CDC40: variants seen among roughly 807,000 people sequenced by gnomAD.
CDC40 encodes pre-mRNA-processing factor 17.
Under a neutral mutation model 80.6 loss-of-function variants are expected in CDC40, and 27 were observed. That is an observed-to-expected ratio of 0.33 (90% confidence interval 0.25 to 0.46). The LOEUF is 0.46. Among genes scored for constraint, CDC40 ranks in the 20% least tolerant of loss-of-function variants. CDC40 has a pLI of 1.00. For missense variants in CDC40, 486 were observed against 694.1 expected (o/e 0.70, Z 3.37); for synonymous variants, 221 against 232.6 (o/e 0.95, Z 0.45).
chr6:110,226,895 T>C (rs1164174139), intron 13 of CDC40, among the ~76,000 whole-genome samples: 1 of 152,040 alleles, frequency 6.6e-6, no homozygotes, highest in African/African-American at 2.4e-5. Flanking sequence ...TGGTGCACAT[T>C]TGTAGCCCTA....
Position 110,212,145 on chromosome 6 carries a change from A to G in CDC40, c.740A>G (p.Tyr247Cys), listed in dbSNP as rs1474439696. Residue 247 changes from tyrosine (Y) to cysteine (C), a missense_variant, in exon 7 of 15, where the codon TAT (tyrosine) becomes TGT (cysteine). Coordinates refer to ENST00000307731, the MANE Select transcript of CDC40 (RefSeq NM_015891.3). ...EKTILHVKEM[Y>C]DYQGRSYLHI... ...CTTTTTGTTTCAGTTAAAGAAATGT[A>G]TGACTATCAAGGCAGGTCCTATCTT... 3 of 1,612,922 alleles carry G rather than the reference A, an allele frequency of 1.9e-6. No individual in the cohort carries two copies. Among genetic ancestry groups the G allele is most frequent in the Admixed American group, 1.7e-5 (1 of 59,954 alleles).
chr6:110,185,246 T>C (rs1043137190), intron 1 of CDC40, among the ~76,000 whole-genome samples: 14 of 142,614 alleles, frequency 9.8e-5, no homozygotes, highest in East Asian at 2.0e-4. Flanking sequence ...TTTTTCTTTT[T>C]TTTTTTTTTT....
At chr6:110,204,076 G>A (rs1046087825) in intron 3 of CDC40, among the ~76,000 whole-genome samples, 9 of 152,112 alleles carry the variant, frequency 5.9e-5, no homozygotes, top group Admixed American at 3.3e-4. Flanking sequence ...GCAGTGGCGC[G>A]ATCTCAGCTC....
chr6:110,186,114 C>T (rs1446999320), intron 1 of CDC40, among the ~76,000 whole-genome samples: 1 of 152,236 alleles, frequency 6.6e-6, no homozygotes, highest in Non-Finnish European at 1.5e-5. Context: ...TATACACACA[C>T]ATCCTCCACA....
chr6:110,230,151 A>G lies in CDC40; in HGVS notation c.*20A>G, dbSNP rs1394225113. 4.0e-6 allele frequency: 6 copies of G among 1,496,544 alleles called. No homozygotes were observed. The highest frequency in any genetic ancestry group is 5.6e-6 in the Non-Finnish European group (6 of 1,080,240). 92.7% of individuals were successfully genotyped at this position (1,496,544 alleles called of 1,614,324 possible). A position where few individuals can be genotyped will look rare whatever the true frequency, so the allele number is the denominator to read the frequency against. On this transcript the variant is annotated 3_prime_UTR_variant, in exon 15 of 15. Coordinates refer to ENST00000307731, the MANE Select transcript of CDC40 (RefSeq NM_015891.3). ...GATTAATGAGATTAATCCTTAAACTAGCTGGGATCATTTTTGATCCATTGT... is the reference window on the plus strand; with the variant it reads ...GATTAATGAGATTAATCCTTAAACTGGCTGGGATCATTTTTGATCCATTGT...
chr6:110,228,944 T>C lies in CDC40; in HGVS notation c.1530T>C (p.Tyr510=). Residue 510 remains tyrosine (Y), a synonymous_variant, in exon 14 of 15, where the codon TAT becomes TAC. Transcript: ENST00000307731. The part of the protein sequence containing the change: ...KIFKGHMVAG[Y]ACQVDFSPDM... ...TTAAGGGCCATATGGTAGCAGGCTA[T>C]GCTTGTCAGGTGGACTTTTCACCAG... is the stretch of plus-strand genomic sequence containing the variant. 1 of 1,607,410 alleles carries C rather than the reference T, an allele frequency of 6.2e-7. No homozygotes were observed. Among genetic ancestry groups the C allele is most frequent in the Non-Finnish European group, 8.5e-7 (1 of 1,177,974 alleles).
At chr6:110,204,659 C>CTTTTTTT (rs55895216) in intron 3 of CDC40, among the ~76,000 whole-genome samples, 7 of 119,276 alleles carry the variant, frequency 5.9e-5, no homozygotes, top group East Asian at 2.3e-4. Flanking sequence ...TCCTATTTCT[C>CTTTTTTT]TTTTTTTTTT....
chr6:110,183,678 G>A (rs531750188), intron 1 of CDC40, among the ~76,000 whole-genome samples: 1 of 152,350 alleles, frequency 6.6e-6, no homozygotes, highest in Admixed American at 6.5e-5. Context: ...CAAGGGAGAT[G>A]TGAAGCATGC....
chr6:110,182,290 C>T (rs1777208732), intron 1 of CDC40, among the ~76,000 whole-genome samples: 1 of 152,204 alleles, frequency 6.6e-6, no homozygotes, highest in Non-Finnish European at 1.5e-5. Context: ...GCTTGCTATC[C>T]TTTTATTTCC....
intron 11 of CDC40, 29 bp downstream of exon 11, chr6:110,219,508 C>T: frequency 7.8e-7 from 1 of 1,279,022 alleles, no homozygotes; most frequent in Non-Finnish European, 1.1e-6. Context: ...TTTGTTAAGA[C>T]TCCTAAGCTT....
chr6:110,226,128 A>C (rs1286866959), intron 12 of CDC40, 39 bp from the exon 13 acceptor site: 1 of 1,111,838 alleles, frequency 9.0e-7, no homozygotes, highest in African/African-American at 1.5e-5. Context: ...GGTACTTTTT[A>C]AAAGTTGCTT....
At chr6:110,201,717 T>C in intron 3 of CDC40, 30 bp downstream of exon 3, 1 of 1,603,314 alleles carries the variant, frequency 6.2e-7, no homozygotes. Flanking sequence ...GCAGTTTCAA[T>C]TTTGGCTTTA....
chr6:110,219,921 A>G (rs765387881), intron 12 of CDC40, 52 bp downstream of exon 12: 2 of 1,571,250 alleles, frequency 1.3e-6, no homozygotes, highest in Admixed American at 3.7e-5. Flanking sequence ...GCAGTTAAAA[A>G]TTATATAGAC....
chr6:110,215,193 T>C, intron 8 of CDC40, 93 bp from the exon 9 acceptor site: 1 of 915,550 alleles, frequency 1.1e-6, no homozygotes, highest in Non-Finnish European at 1.8e-6. Context: ...CACACAGATG[T>C]GCACACACAT....
In CDC40 at chr6:110,193,221, A is replaced by G. The variant is rs935478990; in HGVS notation, c.229A>G (p.Lys77Glu). The G allele has an allele frequency of 3.7e-6, 6 of 1,610,626 alleles. No individual in the cohort carries two copies. Among genetic ancestry groups the G allele is most frequent in the Non-Finnish European group, 5.1e-6 (6 of 1,176,946 alleles). ...ETGVHLDPAVKEVQYNPTYET... is the reference protein window; with the variant it reads ...ETGVHLDPAVEEVQYNPTYET... Reference sequence around the variant, plus strand: ...TGGAGTTCACCTTGACCCTGCCGTCAAAGAAGTTCAGTATAATCCTACCTA... The same window carrying G: ...TGGAGTTCACCTTGACCCTGCCGTCGAAGAAGTTCAGTATAATCCTACCTA... Residue 77 changes from lysine to glutamate, a missense_variant, in exon 2 of 15, where the codon AAA (lysine) becomes GAA (glutamate). Lys to Glu is a moderately conservative substitution (Grantham distance 56). Around this residue, in one of 3 missense-constraint regions of CDC40, gnomAD observed 381 missense variants for 492.1 expected, o/e 0.77. Transcript: ENST00000307731.
intron 9 of CDC40, among the ~76,000 whole-genome samples, chr6:110,216,762 T>A (rs1777704552): frequency 6.6e-6 from 1 of 152,196 alleles, no homozygotes; most frequent in African/African-American, 2.4e-5. Context: ...ATAGGAACAT[T>A]TTTGCTTTTG....
intron 8 of CDC40, 82 bp downstream of exon 8, chr6:110,213,242 GGTTT>G: frequency 1.1e-6 from 1 of 920,532 alleles, no homozygotes; most frequent in Non-Finnish European, 1.8e-6. Flanking sequence ...AATAAATTTG[GGTTT>G]GTTAGGCAAT....
At chr6:110,195,355 C>G (rs1048789105) in intron 2 of CDC40, among the ~76,000 whole-genome samples, 1 of 151,978 alleles carries the variant, frequency 6.6e-6, no homozygotes, top group Non-Finnish European at 1.5e-5. Flanking sequence ...CAGACTATTT[C>G]TTATTATGCC....
intron 2 of CDC40, among the ~76,000 whole-genome samples, chr6:110,199,637 G>T (rs547310729): frequency 1.3e-5 from 2 of 151,466 alleles, no homozygotes; most frequent in African/African-American, 4.8e-5. Flanking sequence ...TGTATGGCCT[G>T]TAGAAAAATT....
Sources: gnomAD v4.1 joint callset for allele counts (sites outside exome capture counted in the v4.1 genomes callset) on GRCh38, gnomAD v4.1.1 for gene constraint, gnomAD v4.1.1 regional missense constraint, MANE v1.5 for transcripts, NCBI Gene and HGNC (gene_info 2026-07-23, HGNC 2026-07-21) for gene names.